Variants in MALRD1 observed in about 807,000 individuals in gnomAD.
The protein encoded by MALRD1 is MAM and LDL receptor class A domain containing 1, also known as MAM and LDL-receptor class A domain-containing protein 1.
A neutral mutation model predicts 242.1 loss-of-function variants in MALRD1; 247 were observed. The observed-to-expected ratio is 1.02, with a 90% confidence interval of 0.92 to 1.13. MALRD1 has a LOEUF of 1.13. MALRD1 is among the 50% of genes most tolerant of loss of function. The pLI is 0.00. For synonymous variants in MALRD1, 995 were observed against 866.6 expected (o/e 1.15, Z -2.60); for missense variants, 2,989 against 2,533.1 (o/e 1.18, Z -3.86).
chr10:19,332,673 A>T (rs996372630), intron 24 of MALRD1, among the ~76,000 whole-genome samples: 1 of 152,198 alleles, frequency 6.6e-6, no homozygotes, highest in Non-Finnish European at 1.5e-5. Context: ...ACTTCAGTAT[A>T]TAGAGCTTAC....
At chr10:19,388,799 C>G (rs1056830892) in intron 27 of MALRD1, among the ~76,000 whole-genome samples, 1 of 138,512 alleles carries the variant, frequency 7.2e-6, no homozygotes. Flanking sequence ...AGGGCAGTAG[C>G]AGAATGAAGA....
At chr10:19,469,770 G>T (rs6481936) in intron 29 of MALRD1, among the ~76,000 whole-genome samples, 131,057 of 152,010 alleles carry the variant, frequency 0.86, 56,660 homozygotes, top group East Asian at 1. Flanking sequence ...ATTGTTATTC[G>T]CTTTCTTTCC....
At chr10:19,288,903 A>AT (rs1375385588) in intron 21 of MALRD1, among the ~76,000 whole-genome samples, 7 of 152,178 alleles carry the variant, frequency 4.6e-5, no homozygotes, top group Non-Finnish European at 7.4e-5. Context: ...GATGGGCCTT[A>AT]TACTAAAGAG....
intron 28 of MALRD1, among the ~76,000 whole-genome samples, chr10:19,394,578 T>G (rs1846493283): frequency 6.6e-6 from 1 of 152,068 alleles, no homozygotes. Context: ...TAGACAAGGG[T>G]CAACTGAATT....
At chr10:19,702,111 C>A (rs148217339) in intron 38 of MALRD1, among the ~76,000 whole-genome samples, 1 of 151,934 alleles carries the variant, frequency 6.6e-6, no homozygotes, top group African/African-American at 2.4e-5. Context: ...ATTTAAAGCA[C>A]GTCTACAACA....
intron 36 of MALRD1, among the ~76,000 whole-genome samples, chr10:19,667,913 T>G (rs1448829154): frequency 6.6e-6 from 1 of 152,128 alleles, no homozygotes; most frequent in Non-Finnish European, 1.5e-5. Context: ...AAGGACAAGT[T>G]GCTGGCAGAT....
At chr10:19,116,705 G>A (rs1037567166) in intron 5 of MALRD1, among the ~76,000 whole-genome samples, 1 of 152,184 alleles carries the variant, frequency 6.6e-6, no homozygotes, top group Non-Finnish European at 1.5e-5. Context: ...GGTTGGCAAA[G>A]CCTTATTCCA....
Position 19,257,691 on chromosome 10 carries a change from TGGA to T in MALRD1, c.3002_3004del (p.Glu1001del), listed in dbSNP as rs1839578037. On this transcript the variant is annotated inframe_deletion, in exon 19 of 40. Transcript: ENST00000454679. The stretch of plus-strand genomic sequence containing the variant: ...TTTATTTTATTTTTTTAGATATTGG[TGGA>T]GGCTTCAGTGGGAGATGGCTTCACT... The T allele has an allele frequency of 6.5e-7, 1 of 1,533,638 alleles. No individual in the cohort carries two copies. Among genetic ancestry groups the T allele is most frequent in the Non-Finnish European group, 8.8e-7 (1 of 1,136,368 alleles).
chr10:19,296,095 G>A lies in MALRD1; in HGVS notation c.3419+12914G>A, dbSNP rs376193790. Among the ~76,000 whole-genome samples the A allele has an allele frequency of 2.6e-5, 4 of 152,138 alleles. No individual in the cohort carries two copies. In the South Asian group the frequency reaches 6.2e-4, roughly 24 times the overall value. On this transcript the variant is annotated intron_variant, in intron 21 of 39. Coordinates refer to ENST00000454679, the MANE Select transcript of MALRD1 (RefSeq NM_001142308.3). ...GGTGGACATGGTTGTATTTTATAAAGCACTGCAAGGGTGGGCCGCCAACTC... is the reference window on the plus strand; with the variant it reads ...GGTGGACATGGTTGTATTTTATAAAACACTGCAAGGGTGGGCCGCCAACTC...
intron 21 of MALRD1, among the ~76,000 whole-genome samples, chr10:19,315,605 TATAA>T (rs1842660645): frequency 8.8e-6 from 1 of 114,066 alleles, no homozygotes; most frequent in African/African-American, 4.0e-5. Flanking sequence ...TTATATAAAT[TATAA>T]ATATTTATAT....
At chr10:19,521,086 A>C (rs1833860422) in intron 31 of MALRD1, among the ~76,000 whole-genome samples, 4 of 152,180 alleles carry the variant, frequency 2.6e-5, no homozygotes, top group South Asian at 4.1e-4. Context: ...ATGTGAATGA[A>C]TCAGTTCATT....
intron 38 of MALRD1, among the ~76,000 whole-genome samples, chr10:19,724,097 T>C (rs1441025802): frequency 6.6e-6 from 1 of 152,138 alleles, no homozygotes; most frequent in East Asian, 1.9e-4. Flanking sequence ...TTTGAGCTCA[T>C]TTTTCTTTGA....
At chr10:19,076,304 C>T (rs531266672) in intron 2 of MALRD1, among the ~76,000 whole-genome samples, 1 of 151,940 alleles carries the variant, frequency 6.6e-6, no homozygotes, top group South Asian at 2.1e-4. Flanking sequence ...ACCTATCTTC[C>T]ATCTATCTAT....
chr10:19,100,441 C>T (rs547363233), intron 4 of MALRD1, among the ~76,000 whole-genome samples: 1 of 149,990 alleles, frequency 6.7e-6, no homozygotes, highest in Non-Finnish European at 1.5e-5. Context: ...AAAGCTGCTT[C>T]AGTAGTCCAG....
chr10:19,378,190 A>G (rs1053301348), intron 26 of MALRD1, among the ~76,000 whole-genome samples: 9 of 152,152 alleles, frequency 5.9e-5, no homozygotes, highest in Non-Finnish European at 1.2e-4. Context: ...AACTAGAACC[A>G]TACCAAAGCT....
At chr10:19,351,181 G>A (rs1588952220) in intron 25 of MALRD1, among the ~76,000 whole-genome samples, 2 of 152,132 alleles carry the variant, frequency 1.3e-5, no homozygotes, top group Admixed American at 6.5e-5. Flanking sequence ...TTTTTCCTAT[G>A]TGCAGAACAA....
In MALRD1 at chr10:19,446,081, C is replaced by T. The variant is rs181743461; in HGVS notation, c.4846-4226C>T. Among the ~76,000 whole-genome samples the T allele has an allele frequency of 2.2e-3, 341 of 152,232 alleles. No homozygotes were observed. In the Middle Eastern group the frequency reaches 0.027, roughly 12 times the overall value. On this transcript the variant is annotated intron_variant, in intron 28 of 39. Coordinates refer to ENST00000454679, the MANE Select transcript of MALRD1 (RefSeq NM_001142308.3). The stretch of plus-strand genomic sequence containing the variant: ...GAGGCTCTGTGGGCGTGGGACCCTC[C>T]GAGCCAGGCGTGGGATATAATTTCC...
chr10:19,363,525 A>G (rs988285251), intron 26 of MALRD1, among the ~76,000 whole-genome samples: 5 of 152,140 alleles, frequency 3.3e-5, no homozygotes, highest in Non-Finnish European at 5.9e-5. Context: ...TATGAGAGCA[A>G]TTTTGCACTG....
At chr10:19,125,322 C>CTTTCTTTCTTTCT (rs34141625) in intron 7 of MALRD1, among the ~76,000 whole-genome samples, 5 of 63,752 alleles carry the variant, frequency 7.8e-5, no homozygotes, top group Admixed American at 1.4e-4. Flanking sequence ...TCCTTCCTTC[C>CTTTCTTTCTTTCT]TTCTTTCTTT....
Sources: gnomAD v4.1 joint callset for allele counts (sites outside exome capture counted in the v4.1 genomes callset) on GRCh38, gnomAD v4.1.1 for gene constraint, MANE v1.5 for transcripts, NCBI Gene and HGNC (gene_info 2026-07-23, HGNC 2026-07-21) for gene names.